The following PLEKHH2 variants were observed in gnomAD, a reference collection of about 807,000 sequenced individuals.
PLEKHH2 encodes the protein pleckstrin homology, MyTH4 and FERM domain containing H2, also known as pleckstrin homology domain-containing family H member 2.
A neutral mutation model predicts 187.9 loss-of-function variants in PLEKHH2; 129 were observed. That is an observed-to-expected ratio of 0.69 (90% CI 0.59 to 0.79). PLEKHH2 has a LOEUF of 0.79. PLEKHH2 is among the 30% of genes least tolerant of loss of function. The probability of loss-of-function intolerance (pLI) is 0.00; values close to 1 mark genes in which losing one functional copy is unlikely to be tolerated. For missense variants in PLEKHH2, 2,076 were observed against 1,751.2 expected (o/e 1.19, Z -3.31); for synonymous variants, 686 against 605.6 (o/e 1.13, Z -1.95).
intron 2 of PLEKHH2, 29 bp downstream of exon 2, chr2:43,644,825 A>C (rs921025948): frequency 3.3e-5 from 52 of 1,577,046 alleles, no homozygotes; most frequent in Non-Finnish European, 4.4e-5. Context: ...CTTTGTTATT[A>C]AATGTCAGCT....
chr2:43,744,816 C>T (rs1184240356), intron 23 of PLEKHH2, among the ~76,000 whole-genome samples: 7 of 144,820 alleles, frequency 4.8e-5, no homozygotes, highest in Admixed American at 7.1e-5. Context: ...TGCAGTGAGC[C>T]GTGATCACGC....
intron 26 of PLEKHH2, 151 bp from the exon 27 acceptor site, chr2:43,758,749 G>A: frequency 1.8e-6 from 1 of 560,220 alleles, no homozygotes; most frequent in East Asian, 3.0e-5. Flanking sequence ...ACAGTGGTGT[G>A]ATGAGAGTCA....
chr2:43,647,350 G>A (rs1156867949), intron 2 of PLEKHH2, among the ~76,000 whole-genome samples: 1 of 152,204 alleles, frequency 6.6e-6, no homozygotes, highest in Admixed American at 6.5e-5. Context: ...ACTTGACTGA[G>A]TTCACACTAA....
Position 43,641,172 on chromosome 2 carries a change from C to A in PLEKHH2, c.-3-3499C>A, listed in dbSNP as rs560476856. On this transcript the variant is annotated intron_variant, in intron 1 of 29. Transcript: ENST00000282406. ...CTTTATATATTCTAGACACAAATCCCTGAGATACATGATTTGCAACTATTT... is the reference window on the plus strand; with the variant it reads ...CTTTATATATTCTAGACACAAATCCATGAGATACATGATTTGCAACTATTT... Among the ~76,000 whole-genome samples, 48 of 152,170 alleles carry A rather than the reference C, an allele frequency of 3.2e-4. 1 individual carries two copies. Among genetic ancestry groups the A allele is most frequent in the African/African-American group, 1.1e-3 (44 of 41,510 alleles).
rs1456763016 is a variant in PLEKHH2, at chr2:43,763,716, T to C, written c.4159-512T>C. ...GCCTAAGTTATATTTTTACATTGTT[T>C]TGGAAACACATTAGAAAAAAATATT... On this transcript the variant is annotated intron_variant, in intron 28 of 29. Coordinates refer to ENST00000282406, the MANE Select transcript of PLEKHH2 (RefSeq NM_172069.4). Among the ~76,000 whole-genome samples the C allele has an allele frequency of 2.0e-5, 3 of 152,232 alleles. No homozygotes were observed. In the East Asian group the frequency reaches 5.8e-4, roughly 29 times the overall value.
At chr2:43,739,040 T>A (rs1671435207) in intron 20 of PLEKHH2, among the ~76,000 whole-genome samples, 1 of 152,098 alleles carries the variant, frequency 6.6e-6, no homozygotes, top group Non-Finnish European at 1.5e-5. Flanking sequence ...TACAGGCATG[T>A]GCCAACACTC....
At chr2:43,653,476 T>C (rs1024633891) in intron 2 of PLEKHH2, among the ~76,000 whole-genome samples, 2 of 152,224 alleles carry the variant, frequency 1.3e-5, no homozygotes, top group South Asian at 2.1e-4. Context: ...AATAAAGATA[T>C]TTTGAAGACA....
intron 3 of PLEKHH2, among the ~76,000 whole-genome samples, chr2:43,690,443 G>T (rs1371505669): frequency 6.6e-6 from 1 of 151,730 alleles, no homozygotes; most frequent in Non-Finnish European, 1.5e-5. Flanking sequence ...CATTTATGCA[G>T]TGAACCCACA....
chr2:43,751,686 C>T (rs1328446279), intron 24 of PLEKHH2, among the ~76,000 whole-genome samples: 1 of 152,246 alleles, frequency 6.6e-6, no homozygotes, highest in Non-Finnish European at 1.5e-5. Context: ...ATTCTGTCTG[C>T]TGCAGGCCTC....
chr2:43,727,584 C>T (rs1485902565), intron 17 of PLEKHH2, among the ~76,000 whole-genome samples: 2 of 152,108 alleles, frequency 1.3e-5, no homozygotes, highest in African/African-American at 4.8e-5. Context: ...GTATCCTTAA[C>T]ATATAAACAA....
At chr2:43,638,925 A>T (rs575283938) in intron 1 of PLEKHH2, among the ~76,000 whole-genome samples, 2 of 152,196 alleles carry the variant, frequency 1.3e-5, no homozygotes, top group African/African-American at 2.4e-5. Flanking sequence ...ATTAATAGGG[A>T]ATGTAGATGT....
intron 29 of PLEKHH2, 79 bp from the exon 30 acceptor site, chr2:43,765,334 C>A: frequency 7.1e-7 from 1 of 1,406,352 alleles, no homozygotes; most frequent in Non-Finnish European, 9.8e-7. Flanking sequence ...TGGAGCTCAC[C>A]TGTGGCCAAC....
chr2:43,690,750 T>C (rs1214028602), intron 3 of PLEKHH2, among the ~76,000 whole-genome samples: 1 of 152,236 alleles, frequency 6.6e-6, no homozygotes, highest in Non-Finnish European at 1.5e-5. Context: ...TAGTACTCAA[T>C]ACTTTATTTT....
At chr2:43,704,273 G>T (rs1669538915) in intron 9 of PLEKHH2, among the ~76,000 whole-genome samples, 1 of 152,108 alleles carries the variant, frequency 6.6e-6, no homozygotes, top group Non-Finnish European at 1.5e-5. Flanking sequence ...TGTTTACTGG[G>T]TATAGCATTT....
At chr2:43,747,467 C>T (rs975137571) in intron 24 of PLEKHH2, among the ~76,000 whole-genome samples, 1 of 152,108 alleles carries the variant, frequency 6.6e-6, no homozygotes, top group Non-Finnish European at 1.5e-5. Flanking sequence ...GTTCAAAGGC[C>T]TGTAGATGGA....
chr2:43,676,287 A>G (rs753598391), intron 2 of PLEKHH2: 2 of 1,612,444 alleles, frequency 1.2e-6, no homozygotes, highest in Admixed American at 1.7e-5. Context: ...CAAGCAACAT[A>G]CCCTTAAAAA....
intron 1 of PLEKHH2, among the ~76,000 whole-genome samples, chr2:43,642,994 C>T (rs1447461039): frequency 6.6e-6 from 1 of 152,058 alleles, no homozygotes; most frequent in Non-Finnish European, 1.5e-5. Context: ...CCTTTCAGGC[C>T]TACTTTTTAT....
At chr2:43,684,925 C>A (rs4366953) in intron 3 of PLEKHH2, among the ~76,000 whole-genome samples, 5 of 151,792 alleles carry the variant, frequency 3.3e-5, no homozygotes, top group Non-Finnish European at 7.4e-5. Flanking sequence ...AATTTATTTA[C>A]TGCATATTTT....
In PLEKHH2 at chr2:43,757,139, AAGACCTTTCTCAACTCCAGC is replaced by A. The variant is rs770984458; in HGVS notation, c.3819_3838del (p.Pro1274AlafsTer22). ...ATTAGGTAGAGATTGGAGATTTTGA[AAGACCTTTCTCAACTCCAGC>A]AGGGCATGTTACCAATCAGTGCAAA... On this transcript the variant is annotated frameshift_variant, in exon 26 of 30. Coordinates refer to ENST00000282406, the MANE Select transcript of PLEKHH2 (RefSeq NM_172069.4). LOFTEE classifies it high-confidence loss of function. 6.3e-7 allele frequency: 1 copy of A among 1,582,446 alleles called. No individual in the cohort carries two copies. The highest frequency in any genetic ancestry group is 8.6e-7 in the Non-Finnish European group (1 of 1,168,374).
Sources: allele counts gnomAD v4.1 joint callset (sites outside exome capture counted in the v4.1 genomes callset), GRCh38; gene constraint gnomAD v4.1.1; transcripts MANE v1.5; gene names NCBI Gene and HGNC (gene_info 2026-07-23, HGNC 2026-07-21).